GRIK2: variants seen among roughly 807,000 people sequenced by gnomAD.
GRIK2 encodes glutamate receptor ionotropic, kainate 2.
Under a neutral mutation model 100.3 loss-of-function variants are expected in GRIK2, and 32 were observed. The ratio of observed to expected loss-of-function variants is 0.32; its 90% CI spans 0.24 to 0.43. The LOEUF is 0.43. Among genes scored for constraint, GRIK2 ranks in the 20% least tolerant of loss-of-function variants. The pLI, the probability that GRIK2 is intolerant of heterozygous loss-of-function variation, is 1.00. For synonymous variants in GRIK2, 417 were observed against 389.4 expected (o/e 1.07, Z -0.83); for missense variants, 843 against 1,114.9 (o/e 0.76, Z 3.47).
Position 102,047,869 on chromosome 6 carries a change from A to T in GRIK2, c.2312-7461A>T, listed in dbSNP as rs549976836. On this transcript the variant is annotated intron_variant, in intron 15 of 16. Transcript: ENST00000369134. The stretch of plus-strand genomic sequence containing the variant: ...AAATAGAAAAGCAATCCTATAGATT[A>T]TGTGAAATTACAAAAAGGCCTAATA... 2.0e-5 allele frequency among the ~76,000 whole-genome samples: 3 copies of T among 152,238 alleles called. No homozygotes were observed. In the East Asian group the frequency reaches 5.8e-4, roughly 30 times the overall value.
At chr6:101,900,754 G>T (rs184156429) in intron 12 of GRIK2, among the ~76,000 whole-genome samples, 1 of 152,160 alleles carries the variant, frequency 6.6e-6, no homozygotes, top group East Asian at 1.9e-4. Context: ...AACTTTACGT[G>T]CCTTATATCT....
intron 2 of GRIK2, among the ~76,000 whole-genome samples, chr6:101,537,416 A>ATGTGTGTGTGTTTG (rs1387836527): frequency 7.0e-6 from 1 of 142,668 alleles, no homozygotes; most frequent in Admixed American, 7.2e-5. Flanking sequence ...TAAGAGTAGA[A>ATGTGTGTGTGTTTG]TGTGTGTGTG....
At chr6:101,866,347 C>T (rs1785051661) in intron 11 of GRIK2, among the ~76,000 whole-genome samples, 1 of 152,142 alleles carries the variant, frequency 6.6e-6, no homozygotes. Context: ...ATCTTATCTT[C>T]CATAGCACCT....
At chr6:101,409,019 T>C (rs1025669685) in intron 2 of GRIK2, among the ~76,000 whole-genome samples, 8 of 152,020 alleles carry the variant, frequency 5.3e-5, no homozygotes, top group East Asian at 3.9e-4. Flanking sequence ...ACTATATACA[T>C]CTTTGAGGGA....
intron 2 of GRIK2, among the ~76,000 whole-genome samples, chr6:101,612,885 G>C (rs1032116339): frequency 5.3e-5 from 8 of 151,584 alleles, no homozygotes; most frequent in African/African-American, 1.9e-4. Flanking sequence ...GACTGGGGAA[G>C]TGGGAGTGGT....
At chr6:101,617,361 T>C (rs1779937461) in intron 2 of GRIK2, among the ~76,000 whole-genome samples, 1 of 151,824 alleles carries the variant, frequency 6.6e-6, no homozygotes, top group African/African-American at 2.4e-5. Context: ...GCAGTATACT[T>C]TTGTGTCTGG....
At chr6:101,794,944 C>A (rs1419736845) in intron 7 of GRIK2, among the ~76,000 whole-genome samples, 3 of 151,214 alleles carry the variant, frequency 2.0e-5, no homozygotes, top group African/African-American at 7.3e-5. Context: ...TGGCTGACTG[C>A]AACTTCTGCC....
intron 2 of GRIK2, among the ~76,000 whole-genome samples, chr6:101,506,175 A>C (rs1327161546): frequency 1.3e-5 from 2 of 152,148 alleles, no homozygotes; most frequent in Non-Finnish European, 2.9e-5. Context: ...TCTGGCTTTA[A>C]CATCCACTAG....
chr6:101,489,601 C>A lies in GRIK2; in HGVS notation c.115+90209C>A, dbSNP rs1423533854. The stretch of plus-strand genomic sequence containing the variant: ...TTACTGATTTACTGTGTTTTGTAAT[C>A]TAGTTGTTGAAGAGTCAAAGAAATT... On this transcript the variant is annotated intron_variant, in intron 2 of 16. Coordinates refer to ENST00000369134, the MANE Select transcript of GRIK2 (RefSeq NM_021956.5). 1.4e-5 allele frequency among the ~76,000 whole-genome samples: 2 copies of A among 146,062 alleles called. 1 individual carries two copies. The highest frequency in any genetic ancestry group is 5.2e-5 in the African/African-American group (2 of 38,262).
At chr6:101,610,452 T>A (rs1337071251) in intron 2 of GRIK2, among the ~76,000 whole-genome samples, 2 of 151,898 alleles carry the variant, frequency 1.3e-5, no homozygotes, top group Non-Finnish European at 2.9e-5. Flanking sequence ...AAAACATATT[T>A]GCATCTATAT....
chr6:101,681,180 T>G (rs1771215802), intron 5 of GRIK2, among the ~76,000 whole-genome samples: 1 of 152,162 alleles, frequency 6.6e-6, no homozygotes, highest in South Asian at 2.1e-4. Context: ...GTATATGGGA[T>G]ATTTTGATAC....
chr6:101,871,443 G>A (rs2128448432), intron 11 of GRIK2, among the ~76,000 whole-genome samples: 1 of 151,172 alleles, frequency 6.6e-6, no homozygotes, highest in East Asian at 1.9e-4. Context: ...GCTATGTTGT[G>A]TGATGCTGAA....
At chr6:102,009,849 A>G (rs993864393) in intron 14 of GRIK2, among the ~76,000 whole-genome samples, 1 of 152,136 alleles carries the variant, frequency 6.6e-6, no homozygotes, top group Non-Finnish European at 1.5e-5. Context: ...GAGTGTATGC[A>G]GTCTTCTGGG....
rs28824598 is a variant in GRIK2, at chr6:101,953,542, T to C, written c.2085+24910T>C. 9.1e-3 allele frequency among the ~76,000 whole-genome samples: 1,380 copies of C among 152,336 alleles called. 20 individuals are homozygous for C. Among genetic ancestry groups the C allele is most frequent in the African/African-American group, 0.031 (1,295 of 41,580 alleles). On this transcript the variant is annotated intron_variant, in intron 14 of 16. Coordinates refer to ENST00000369134, the MANE Select transcript of GRIK2 (RefSeq NM_021956.5). ...GGTTGAGCATCTTTTATGTGCTTATTCACCATTTGTATATCTTTGGAGAAA... is the reference window on the plus strand; with the variant it reads ...GGTTGAGCATCTTTTATGTGCTTATCCACCATTTGTATATCTTTGGAGAAA...
At chr6:102,021,605 A>G (rs991605590) in intron 14 of GRIK2, among the ~76,000 whole-genome samples, 1 of 151,582 alleles carries the variant, frequency 6.6e-6, no homozygotes, top group African/African-American at 2.4e-5. Flanking sequence ...CTAGAGTTTT[A>G]CTGTTTGTTC....
chr6:101,603,125 T>A (rs777346280), intron 2 of GRIK2, among the ~76,000 whole-genome samples: 2 of 151,326 alleles, frequency 1.3e-5, no homozygotes, highest in African/African-American at 2.4e-5. Context: ...ATCCCTAATC[T>A]TAAAGATCTT....
chr6:101,884,676 TG>T (rs768953613), intron 11 of GRIK2, among the ~76,000 whole-genome samples: 1 of 152,156 alleles, frequency 6.6e-6, no homozygotes, highest in Non-Finnish European at 1.5e-5. Context: ...TTAGTTCAAT[TG>T]AAATTATATT....
intron 10 of GRIK2, among the ~76,000 whole-genome samples, chr6:101,855,445 C>T (rs1784374243): frequency 6.6e-6 from 1 of 152,064 alleles, no homozygotes; most frequent in African/African-American, 2.4e-5. Context: ...TATGCGGTTT[C>T]TTTGAAGTGG....
chr6:101,823,422 G>T (rs1471498501), intron 10 of GRIK2, among the ~76,000 whole-genome samples: 1 of 151,442 alleles, frequency 6.6e-6, no homozygotes, highest in Non-Finnish European at 1.5e-5. Context: ...TCAACTACAG[G>T]TCTATGCCTA....
Sources: allele counts gnomAD v4.1 joint callset (sites outside exome capture counted in the v4.1 genomes callset), GRCh38; gene constraint gnomAD v4.1.1; transcripts MANE v1.5; gene names NCBI Gene and HGNC (gene_info 2026-07-23, HGNC 2026-07-21).